ABI3BP: variants seen among roughly 807,000 people sequenced by gnomAD.
ABI3BP encodes the protein ABI family member 3 binding protein.
Under a neutral mutation model 268.6 loss-of-function variants are expected in ABI3BP, and 216 were observed. The observed-to-expected ratio is 0.80, with a 90% CI of 0.72 to 0.90. The LOEUF (loss-of-function observed/expected upper bound fraction) is 0.90. Ranked by LOEUF, ABI3BP falls within the 40% of genes least tolerant of loss-of-function variation. The pLI is 0.00. For missense variants in ABI3BP, 2,090 were observed against 2,182.4 expected (o/e 0.96, Z 0.84); for synonymous variants, 730 against 730.0 (o/e 1.00, Z 0.00).
intron 62 of ABI3BP, 41 bp downstream of exon 62, chr3:100,770,702 C>A: frequency 7.2e-7 from 1 of 1,394,864 alleles, no homozygotes; most frequent in South Asian, 2.0e-5. Flanking sequence ...ATCTTGTTAT[C>A]AAAGCTTCCC....
chr3:100,891,419 T>C (rs944276279), intron 4 of ABI3BP, among the ~76,000 whole-genome samples: 4 of 152,224 alleles, frequency 2.6e-5, no homozygotes, highest in African/African-American at 9.6e-5. Flanking sequence ...ATTTTGAGTA[T>C]TCACTGCATG....
intron 4 of ABI3BP, among the ~76,000 whole-genome samples, chr3:100,887,981 G>A (rs1229567066): frequency 6.6e-6 from 1 of 151,978 alleles, no homozygotes; most frequent in African/African-American, 2.4e-5. Context: ...CTAAGTTGGG[G>A]GTCTGGTGCA....
Position 100,810,396 on chromosome 3 carries a change from A to G in ABI3BP, c.3607+16T>C. On this transcript the variant is annotated intron_variant, in intron 49 of 67. Transcript: ENST00000471714. Reference sequence around the variant, plus strand: ...AACACTCACCTCATATATGACATACAAAATAATGTATTTACCAGGTTCAGT... The same window carrying G: ...AACACTCACCTCATATATGACATACGAAATAATGTATTTACCAGGTTCAGT... The G allele has an allele frequency of 6.6e-7, 1 of 1,526,186 alleles. No homozygotes were observed. Among genetic ancestry groups the G allele is most frequent in the Non-Finnish European group, 8.8e-7 (1 of 1,138,318 alleles). 94.5% of individuals were successfully genotyped at this position (1,526,186 alleles called of 1,614,324 possible).
chr3:100,876,050 C>G (rs1280508684), intron 7 of ABI3BP, among the ~76,000 whole-genome samples: 2 of 152,032 alleles, frequency 1.3e-5, no homozygotes, highest in African/African-American at 4.8e-5. Context: ...TCTCTTCTAC[C>G]AAGAAACTTT....
chr3:100,901,155 T>C (rs1406207296), intron 3 of ABI3BP, among the ~76,000 whole-genome samples: 3 of 152,296 alleles, frequency 2.0e-5, no homozygotes, highest in Middle Eastern at 3.4e-3. Flanking sequence ...TAAGGAGCGA[T>C]TGGAATTTCC....
intron 14 of ABI3BP, among the ~76,000 whole-genome samples, chr3:100,853,941 A>C (rs1222361060): frequency 6.6e-6 from 1 of 152,202 alleles, no homozygotes; most frequent in Non-Finnish European, 1.5e-5. Context: ...GTTGGAAATA[A>C]AAAGAGTGCT....
intron 29 of ABI3BP, 28 bp from the exon 30 acceptor site, chr3:100,833,185 T>C: frequency 6.6e-7 from 1 of 1,526,226 alleles, no homozygotes. Context: ...CAAAAGCAAT[T>C]TTAAAAAGAA....
intron 6 of ABI3BP, among the ~76,000 whole-genome samples, chr3:100,881,236 T>C (rs1377094305): frequency 1.3e-5 from 2 of 152,192 alleles, no homozygotes; most frequent in Non-Finnish European, 2.9e-5. Flanking sequence ...GGATGCCTGA[T>C]ACATTCACTG....
intron 1 of ABI3BP, among the ~76,000 whole-genome samples, chr3:100,972,166 C>A (rs1331307406): frequency 6.6e-6 from 1 of 152,102 alleles, no homozygotes; most frequent in African/African-American, 2.4e-5. Context: ...ACAACATCTG[C>A]ATTATATTTT....
At chr3:100,794,471 A>G (rs750028840) in intron 54 of ABI3BP, among the ~76,000 whole-genome samples, 2 of 151,962 alleles carry the variant, frequency 1.3e-5, no homozygotes, top group Non-Finnish European at 2.9e-5. Context: ...TTAGAGGGTG[A>G]GCCCTCTAGT....
intron 42 of ABI3BP, among the ~76,000 whole-genome samples, chr3:100,817,143 G>T (rs1226551259): frequency 2.0e-5 from 3 of 152,126 alleles, no homozygotes; most frequent in African/African-American, 4.8e-5. Flanking sequence ...TTGAAATTTA[G>T]CTTCAGACAT....
At chr3:100,789,336 T>C in intron 56 of ABI3BP, 118 bp downstream of exon 56, 2 of 878,050 alleles carry the variant, frequency 2.3e-6, no homozygotes, top group Admixed American at 2.3e-5. Context: ...CAGATCAGAG[T>C]CTCTGTACAT....
chr3:100,858,435 C>T (rs904671685), intron 14 of ABI3BP, among the ~76,000 whole-genome samples: 11 of 152,120 alleles, frequency 7.2e-5, no homozygotes, highest in Non-Finnish European at 1.3e-4. Context: ...ATTCTGTCCC[C>T]TGGTTGCCAA....
intron 14 of ABI3BP, among the ~76,000 whole-genome samples, chr3:100,854,389 G>C (rs553691703): frequency 6.6e-6 from 1 of 152,222 alleles, no homozygotes; most frequent in South Asian, 2.1e-4. Context: ...TGTCGGGGGA[G>C]AGGACAGTGT....
At chr3:100,791,113 A>G (rs990420142) in intron 55 of ABI3BP, among the ~76,000 whole-genome samples, 4 of 151,942 alleles carry the variant, frequency 2.6e-5, no homozygotes, top group Non-Finnish European at 5.9e-5. Context: ...AGCTAAGGAT[A>G]TAAGAAAAAA....
intron 1 of ABI3BP, among the ~76,000 whole-genome samples, chr3:100,936,240 G>T (rs1297378966): frequency 6.6e-6 from 1 of 152,152 alleles, no homozygotes; most frequent in Non-Finnish European, 1.5e-5. Context: ...TAATCATGTG[G>T]TTTTTGTCAT....
At chr3:100,884,596 A>G (rs1337593162) in intron 6 of ABI3BP, among the ~76,000 whole-genome samples, 1 of 152,004 alleles carries the variant, frequency 6.6e-6, no homozygotes. Flanking sequence ...CACATGATCC[A>G]TGGGGCTATT....
At chr3:100,918,678 A>T (rs1489503543) in intron 2 of ABI3BP, among the ~76,000 whole-genome samples, 1 of 152,024 alleles carries the variant, frequency 6.6e-6, no homozygotes, top group Non-Finnish European at 1.5e-5. Flanking sequence ...AGGGGAGAAC[A>T]AGTTTTGAGG....
intron 19 of ABI3BP, among the ~76,000 whole-genome samples, chr3:100,847,310 A>G (rs2098780912): frequency 6.6e-6 from 1 of 152,208 alleles, no homozygotes; most frequent in South Asian, 2.1e-4. Context: ...AGAACTATAT[A>G]CAAGATTCAA....
Sources: allele counts gnomAD v4.1 joint callset (sites outside exome capture counted in the v4.1 genomes callset), GRCh38; gene constraint gnomAD v4.1.1; transcripts MANE v1.5; gene names NCBI Gene and HGNC (gene_info 2026-07-23, HGNC 2026-07-21).